Variants in NARS2 observed in about 807,000 individuals in gnomAD.
NARS2 encodes the protein asparaginyl-tRNA synthetase 2, mitochondrial.
Under a neutral mutation model 62.9 loss-of-function variants are expected in NARS2, and 60 were observed. That is an observed-to-expected ratio of 0.95 (90% CI 0.77 to 1.18). The LOEUF (loss-of-function observed/expected upper bound fraction) is 1.18, where lower values mean the gene tolerates loss of function less well. Ranked by LOEUF, NARS2 falls within the 50% of genes most tolerant of loss-of-function variation. NARS2 has a pLI of 0.00. For synonymous variants in NARS2, 196 were observed against 200.0 expected (o/e 0.98, Z 0.17); for missense variants, 619 against 576.4 (o/e 1.07, Z -0.76).
intron 4 of NARS2, among the ~76,000 whole-genome samples, chr11:78,561,913 T>C (rs1407443223): frequency 6.6e-6 from 1 of 151,826 alleles, no homozygotes; most frequent in Non-Finnish European, 1.5e-5. Context: ...ATACAAAAAT[T>C]AGCCCGGTGT....
At chr11:78,464,070 C>T (rs977998658) in intron 11 of NARS2, among the ~76,000 whole-genome samples, 5 of 152,048 alleles carry the variant, frequency 3.3e-5, no homozygotes, top group African/African-American at 7.3e-5. Flanking sequence ...TTCTGATGTT[C>T]GGATGTGTTT....
At chr11:78,552,953 T>A (rs905447138) in intron 5 of NARS2, among the ~76,000 whole-genome samples, 4 of 152,206 alleles carry the variant, frequency 2.6e-5, no homozygotes, top group Admixed American at 2.6e-4. Flanking sequence ...AAATGCTTTA[T>A]ATTCCTCCGG....
chr11:78,497,129 T>C (rs1195653320), intron 6 of NARS2, among the ~76,000 whole-genome samples: 1 of 148,274 alleles, frequency 6.7e-6, no homozygotes, highest in African/African-American at 2.5e-5. Flanking sequence ...GAAAGCTATA[T>C]AAGGAAAATC....
intron 6 of NARS2, among the ~76,000 whole-genome samples, chr11:78,506,911 T>C (rs567323430): frequency 6.6e-5 from 10 of 152,148 alleles, no homozygotes; most frequent in Admixed American, 2.0e-4. Context: ...ATACAGTAAA[T>C]TGTAGTTAGT....
At position 78,566,145 on chromosome 11, in the gene NARS2, T is replaced by C. The variant is rs750594551; in HGVS notation, c.500A>G (p.His167Arg). 14 of 1,607,058 alleles carry C rather than the reference T, an allele frequency of 8.7e-6. No individual in the cohort carries two copies. Among genetic ancestry groups the C allele is most frequent in the Middle Eastern group, 3.3e-4 (2 of 6,060 alleles). ...RIRSEATAAIHSFFKDSGFVH... is the reference protein window; with the variant it reads ...RIRSEATAAIRSFFKDSGFVH... ...TTAGGATCTTACCTTAAAGAAAGAA[T>C]GAATAGCAGCTGTCGCTTCACTGCG... is the stretch of plus-strand genomic sequence containing the variant. Residue 167 changes from histidine (H) to arginine (R), a missense_variant, in exon 4 of 14, where the codon CAT becomes CGT. Transcript: ENST00000281038.
At chr11:78,463,728 A>AAAAAAC (rs1555013847) in intron 11 of NARS2, among the ~76,000 whole-genome samples, 1 of 150,044 alleles carries the variant, frequency 6.7e-6, no homozygotes, top group African/African-American at 2.4e-5. Context: ...AAAAAAAAAA[A>AAAAAAC]AAAAAAAAAC....
chr11:78,572,893 T>C lies in NARS2; in HGVS notation c.142-1449A>G, dbSNP rs148591274. On this transcript the variant is annotated intron_variant, in intron 1 of 13. Coordinates refer to ENST00000281038, the MANE Select transcript of NARS2 (RefSeq NM_024678.6). Reference sequence around the variant, plus strand: ...AAAATTGGTATGTATTTTACACTTATAGCACATCTCAATTTGGACCAGACA... The same window carrying C: ...AAAATTGGTATGTATTTTACACTTACAGCACATCTCAATTTGGACCAGACA... Among the ~76,000 whole-genome samples the C allele has an allele frequency of 3.3e-3, 501 of 152,318 alleles. 6 individuals are homozygous for C. The highest frequency in any genetic ancestry group is 0.013 in the East Asian group (67 of 5,192).
chr11:78,460,918 T>A (rs557479983), intron 11 of NARS2, among the ~76,000 whole-genome samples: 1 of 152,340 alleles, frequency 6.6e-6, no homozygotes, highest in South Asian at 2.1e-4. Flanking sequence ...TTTCTTGCCA[T>A]TATTTCCCTA....
chr11:78,539,249 T>G (rs1358177167), intron 5 of NARS2, among the ~76,000 whole-genome samples: 1 of 151,842 alleles, frequency 6.6e-6, no homozygotes, highest in Admixed American at 6.6e-5. Context: ...AAGAGTAGCT[T>G]GAATTAAACT....
At chr11:78,552,396 A>T (rs879196995) in intron 5 of NARS2, among the ~76,000 whole-genome samples, 1 of 152,088 alleles carries the variant, frequency 6.6e-6, no homozygotes, top group Non-Finnish European at 1.5e-5. Flanking sequence ...TCTGTCACTG[A>T]TGGGCACTTA....
At chr11:78,520,280 G>A (rs1330997823) in intron 6 of NARS2, among the ~76,000 whole-genome samples, 1 of 152,084 alleles carries the variant, frequency 6.6e-6, no homozygotes, top group East Asian at 1.9e-4. Flanking sequence ...CCTAGTTTCT[G>A]GTGGCTCTCA....
At chr11:78,449,912 A>G (rs906849541) in intron 11 of NARS2, among the ~76,000 whole-genome samples, 4 of 152,234 alleles carry the variant, frequency 2.6e-5, no homozygotes, top group African/African-American at 9.6e-5. Context: ...AACACAGGCC[A>G]CATGTCCACC....
At chr11:78,494,472 T>TTC (rs1859973124) in intron 6 of NARS2, among the ~76,000 whole-genome samples, 1 of 148,608 alleles carries the variant, frequency 6.7e-6, no homozygotes, top group Admixed American at 6.7e-5. Context: ...TCTTTTTCTT[T>TTC]TTTTTTTTTT....
At chr11:78,500,566 T>C (rs1226139015) in intron 6 of NARS2, among the ~76,000 whole-genome samples, 3 of 152,102 alleles carry the variant, frequency 2.0e-5, no homozygotes, top group African/African-American at 7.2e-5. Flanking sequence ...CTCAACCTCC[T>C]GGGCTCAAGC....
intron 6 of NARS2, among the ~76,000 whole-genome samples, chr11:78,509,784 G>T (rs916729988): frequency 1.4e-5 from 2 of 144,704 alleles, no homozygotes; most frequent in Non-Finnish European, 3.0e-5. Flanking sequence ...CTGGGATCGT[G>T]CCACTGCACT....
At chr11:78,564,697 A>G (rs6592794) in intron 4 of NARS2, among the ~76,000 whole-genome samples, 115,029 of 152,154 alleles carry the variant, frequency 0.76, 43,821 homozygotes, top group Non-Finnish European at 0.79. Flanking sequence ...GTATTTTTAC[A>G]ATTGTGTGGT....
chr11:78,443,017 A>G (rs561881712), intron 12 of NARS2, among the ~76,000 whole-genome samples: 3 of 152,270 alleles, frequency 2.0e-5, no homozygotes, highest in Admixed American at 6.5e-5. Flanking sequence ...TAAAGAACAC[A>G]GATAAGATAA....
At position 78,574,766 on chromosome 11, in the gene NARS2, T is replaced by G. The variant is rs979212848; in HGVS notation, c.-278A>C. The stretch of plus-strand genomic sequence containing the variant: ...GCAGTTGGCAGCTGGGGCGCCCCAC[T>G]ACCCGCGACAATTGTAAACCTACGA... On this transcript the variant is annotated 5_prime_UTR_variant, in exon 1 of 14. Transcript: ENST00000281038. The G allele has an allele frequency of 9.2e-5, 38 of 411,828 alleles. No homozygotes were observed. Among genetic ancestry groups the G allele is most frequent in the African/African-American group, 7.0e-4 (34 of 48,428 alleles). The allele number at this position is 411,828 out of a possible 1,614,324, so 25.5% of individuals were successfully genotyped here.
At chr11:78,462,356 A>G (rs1210960967) in intron 11 of NARS2, among the ~76,000 whole-genome samples, 1 of 152,228 alleles carries the variant, frequency 6.6e-6, no homozygotes, top group Non-Finnish European at 1.5e-5. Context: ...CAATTACACT[A>G]GAGGGTTGGT....
Sources: gnomAD v4.1 joint callset for allele counts (sites outside exome capture counted in the v4.1 genomes callset) on GRCh38, gnomAD v4.1.1 for gene constraint, MANE v1.5 for transcripts, NCBI Gene and HGNC (gene_info 2026-07-23, HGNC 2026-07-21) for gene names.